BMP4: variants seen among roughly 807,000 people sequenced by gnomAD.
The protein encoded by BMP4 is bone morphogenetic protein 4.
In BMP4, 3 loss-of-function variants were observed where a neutral mutation model predicts 29.6. The ratio of observed to expected loss-of-function variants is 0.10; its 90% CI spans 0.05 to 0.26. The LOEUF (loss-of-function observed/expected upper bound fraction) is 0.26. BMP4 is among the 10% of genes least tolerant of loss of function. BMP4 has a pLI of 1.00. For missense variants in BMP4, 455 were observed against 550.2 expected (o/e 0.83, Z 1.73); for synonymous variants, 197 against 213.2 (o/e 0.92, Z 0.66).
chr14:53,950,976 G>T lies in BMP4; in HGVS notation c.371-88C>A. 1.3e-6 allele frequency: 2 copies of T among 1,544,174 alleles called. No individual in the cohort carries two copies. The highest frequency in any genetic ancestry group is 1.8e-6 in the Non-Finnish European group (2 of 1,132,696). On this transcript the variant is annotated intron_variant, in intron 3 of 3. Transcript: ENST00000245451. This position sits in a 1 kb window ranked among gnomAD's most constrained non-coding sequence, Gnocchi z 5.4. Reference sequence around the variant, plus strand: ...GAGTCAAGAGATAGCTCAGGGTTGGGCAATGAATGGTGAATTCTGCTTATG... The same window carrying T: ...GAGTCAAGAGATAGCTCAGGGTTGGTCAATGAATGGTGAATTCTGCTTATG...
chr14:53,949,834 G>T lies in BMP4; in HGVS notation c.*198C>A. 1 of 568,946 alleles carries T rather than the reference G, an allele frequency of 1.8e-6. No homozygotes were observed. Among genetic ancestry groups the T allele is most frequent in the Non-Finnish European group, 3.0e-6 (1 of 334,114 alleles). 35.2% of individuals were successfully genotyped at this position (568,946 alleles called of 1,614,324 possible). ...TATGATCAATATGGTCAAAACATTTGCACGTAAAGTCATAAATAAGGTCAA... is the reference window on the plus strand; with the variant it reads ...TATGATCAATATGGTCAAAACATTTTCACGTAAAGTCATAAATAAGGTCAA... On this transcript the variant is annotated 3_prime_UTR_variant, in exon 4 of 4. Transcript: ENST00000245451.
rs766600280 is a variant in BMP4 at position 53,949,882 on chromosome 14, CCTT to C, written c.*147_*149del. The C allele has an allele frequency of 2.2e-3, 1,300 of 589,600 alleles. No homozygotes were observed. Among genetic ancestry groups the C allele is most frequent in the South Asian group, 9.3e-3 (343 of 36,766 alleles). The allele number at this position is 589,600 out of a possible 1,614,324, so 36.5% of individuals were successfully genotyped here. A position where few individuals can be genotyped will look rare whatever the true frequency, so the allele number is the denominator to read the frequency against. ...CAAGGTGAATGTTTAGGGATTTTTT[CCTT>C]TTTTTTTTTTTTTTTTAAATAAAAG... On this transcript the variant is annotated 3_prime_UTR_variant, in exon 4 of 4. Transcript: ENST00000245451.
rs774069849 is a variant in BMP4, at chr14:53,951,908, C to T, written c.315G>A (p.Glu105=). The change falls in exon 3 of 4, where the codon GAG becomes GAA. Residue 105 remains glutamate, a synonymous_variant. Coordinates refer to ENST00000245451, the MANE Select transcript of BMP4 (RefSeq NM_001202.6). The stretch of plus-strand genomic sequence containing the variant: ...CCCGGCTGGCCGGGCGCTCAGGATA[C>T]TCAAGACCAGTGCTGTGGATCTGCT... The part of the protein sequence containing the change: ...EEEQIHSTGL[E]YPERPASRAN... 24 of 1,602,756 alleles carry T rather than the reference C, an allele frequency of 1.5e-5. No individual in the cohort carries two copies. The Admixed American group carries it at 1.5e-4, about 10-fold the overall frequency.
At chr14:53,952,310 T>C in intron 2 of BMP4, 81 bp from the exon 3 acceptor site, 2 of 1,516,422 alleles carry the variant, frequency 1.3e-6, no homozygotes, top group Non-Finnish European at 1.8e-6. Context: ...TGTCTGCATA[T>C]GCATTTAGGG....
At chr14:53,952,416 C>A (rs1292588235) in intron 2 of BMP4, among the ~76,000 whole-genome samples, 187 bp from the exon 3 acceptor site, 1 of 151,670 alleles carries the variant, frequency 6.6e-6, no homozygotes, top group Non-Finnish European at 1.5e-5. Flanking sequence ...TGCAGCCATG[C>A]ACGGCCTGAA....
rs1328436705 is a variant in BMP4 at position 53,954,365 on chromosome 14, T to A, written c.-132-965A>T. Reference sequence around the variant, plus strand: ...GAAAGGACGCATCACAGTTTTCAGATCTTAATGTGGCCGAGGTTTTACAAC... The same window carrying A: ...GAAAGGACGCATCACAGTTTTCAGAACTTAATGTGGCCGAGGTTTTACAAC... On this transcript the variant is annotated intron_variant, in intron 1 of 3. Transcript: ENST00000245451. The surrounding 1 kb of genome is among the most constrained non-coding windows in gnomAD (Gnocchi z 4.8). 8 of 152,006 alleles carry A rather than the reference T, an allele frequency of 5.3e-5. No homozygotes were observed. Among genetic ancestry groups the A allele is most frequent in the Non-Finnish European group, 1.0e-4 (7 of 68,004 alleles). The allele number at this position is 152,006 out of a possible 1,614,324, so 9.4% of individuals were successfully genotyped here. A position where few individuals can be genotyped will look rare whatever the true frequency, so the allele number is the denominator to read the frequency against.
Position 53,949,911 on chromosome 14 carries a change from T to A in BMP4, c.*121A>T. ...TTTTTTTTTTTTTTTTAAATAAAAG[T>A]CCAGCTATAAGGAAGCAGTCTGTGT... On this transcript the variant is annotated 3_prime_UTR_variant, in exon 4 of 4. Coordinates refer to ENST00000245451, the MANE Select transcript of BMP4 (RefSeq NM_001202.6). The A allele has an allele frequency of 2.2e-5, 20 of 906,760 alleles. No individual in the cohort carries two copies. The highest frequency in any genetic ancestry group is 6.6e-5 in the South Asian group (3 of 45,640). 56.2% of individuals were successfully genotyped at this position (906,760 alleles called of 1,614,324 possible).
chr14:53,952,895 A>T (rs1305481501), intron 2 of BMP4, among the ~76,000 whole-genome samples: 1 of 152,154 alleles, frequency 6.6e-6, no homozygotes, highest in Non-Finnish European at 1.5e-5. Flanking sequence ...GGGGTGAGAG[A>T]CGATTCCGGA....
intron 3 of BMP4, chr14:53,951,576 AC>A: frequency 2.4e-6 from 1 of 425,434 alleles, no homozygotes; most frequent in East Asian, 3.8e-5. Flanking sequence ...CGGGCAGAAA[AC>A]CTAGCAGAAA....
chr14:53,953,557 G>C, intron 1 of BMP4, 157 bp from the exon 2 acceptor site: 1 of 379,838 alleles, frequency 2.6e-6, no homozygotes, highest in Non-Finnish European at 4.7e-6. Flanking sequence ...CGCCCCTCGC[G>C]GGCCCGCCCC....
rs1460556403 is a variant in BMP4 at position 53,950,277 on chromosome 14, C to A, written c.982G>T (p.Ala328Ser). 6.2e-7 allele frequency: 1 copy of A among 1,614,236 alleles called. No individual in the cohort carries two copies. Among genetic ancestry groups the A allele is most frequent in the Admixed American group, 1.7e-5 (1 of 60,030 alleles). The change falls in exon 4 of 4, where the codon GCC becomes TCC. Residue 328 changes from alanine to serine, a missense_variant. By Grantham distance (99) the Ala-to-Ser change is moderately conservative. Coordinates refer to ENST00000245451, the MANE Select transcript of BMP4 (RefSeq NM_001202.6). This position sits in a 1 kb window ranked among gnomAD's most constrained non-coding sequence, Gnocchi z 5.4. Reference sequence around the variant, plus strand: ...TAGAAGGCCTGGTAGCCTGGTGGGGCCACAATCCAGTCATTCCAGCCCACA... The same window carrying A: ...TAGAAGGCCTGGTAGCCTGGTGGGGACACAATCCAGTCATTCCAGCCCACA... ...SDVGWNDWIV[A>S]PPGYQAFYCH...
intron 3 of BMP4, 160 bp downstream of exon 3, chr14:53,951,693 G>T (rs2071047): frequency 6.8e-6 from 8 of 1,173,990 alleles, no homozygotes; most frequent in Non-Finnish European, 9.5e-6. Context: ...AAATAAGTTC[G>T]GCGGCAGCTC....
rs547716844 is a variant in BMP4, at chr14:53,952,055, G to T, written c.168C>A (p.Asp56Glu). ...RSGQSHELLR[D>E]FEATLLQMFG... ...ACATCTGCAGAAGTGTCGCCTCGAA[G>T]TCCCGCAGGAGCTCATGGCTCTGCC... Residue 56 changes from aspartate (D) to glutamate (E), a missense_variant, in exon 3 of 4, where the codon GAC becomes GAA. By Grantham distance (45) the Asp-to-Glu change is conservative. Transcript: ENST00000245451. The T allele has an allele frequency of 1.7e-5, 28 of 1,614,192 alleles. No homozygotes were observed. Among genetic ancestry groups the T allele is most frequent in the Admixed American group, 5.0e-5 (3 of 60,036 alleles).
rs1433253209 is a variant in BMP4 at position 53,954,182 on chromosome 14, A to G, written c.-132-782T>C. Among the ~76,000 whole-genome samples the G allele has an allele frequency of 6.6e-6, 1 of 151,882 alleles. No individual in the cohort carries two copies. On this transcript the variant is annotated intron_variant, in intron 1 of 3. Coordinates refer to ENST00000245451, the MANE Select transcript of BMP4 (RefSeq NM_001202.6). The surrounding 1 kb of genome is among the most constrained non-coding windows in gnomAD (Gnocchi z 4.8). The stretch of plus-strand genomic sequence containing the variant: ...AAGTGAGAGGGAGCGGCTGTTAGTC[A>G]TTGCTCCGGGTCCATTACCGAGAAT...
In BMP4 at chr14:53,950,132, G is replaced by C. The variant is rs1895298086; in HGVS notation, c.1127C>G (p.Thr376Ser). The C allele has an allele frequency of 6.2e-7, 1 of 1,614,080 alleles. No individual in the cohort carries two copies. The highest frequency in any genetic ancestry group is 1.7e-5 in the Admixed American group (1 of 60,002). ...CAGCATGGAGATGGCACTCAGTTCA[G>C]TGGGCACACAACAGGCTTTGGGGAT... ...SSIPKACCVP[T>S]ELSAISMLYL... Residue 376 changes from threonine (T) to serine (S), a missense_variant, in exon 4 of 4, where the codon ACT becomes AGT. Physicochemically the swap from Thr to Ser is moderately conservative, Grantham distance 58. This residue lies in a region of BMP4 where 48 missense variants were observed against 90.4 expected (regional missense o/e 0.53). Transcript: ENST00000245451. The surrounding 1 kb of genome is among the most constrained non-coding windows in gnomAD (Gnocchi z 5.4).
Position 53,954,229 on chromosome 14 carries a change from G to T in BMP4, c.-132-829C>A, listed in dbSNP as rs1016626144. Among the ~76,000 whole-genome samples the T allele has an allele frequency of 6.6e-6, 1 of 152,048 alleles. No individual in the cohort carries two copies. The highest frequency in any genetic ancestry group is 2.4e-5 in the African/African-American group (1 of 41,416). On this transcript the variant is annotated intron_variant, in intron 1 of 3. Coordinates refer to ENST00000245451, the MANE Select transcript of BMP4 (RefSeq NM_001202.6). This position sits in a 1 kb window ranked among gnomAD's most constrained non-coding sequence, Gnocchi z 4.8. ...GAATCCCCAAACCTAGTCCGCCGCT[G>T]CGTGGCCCCTCTCCCCATGCAAAGC...
In BMP4 at chr14:53,951,979, A is replaced by C. The variant is rs1337000514; in HGVS notation, c.244T>G (p.Tyr82Asp). 1 of 1,612,944 alleles carries C rather than the reference A, an allele frequency of 6.2e-7. No individual in the cohort carries two copies. Among genetic ancestry groups the C allele is most frequent in the Non-Finnish European group, 8.5e-7 (1 of 1,180,048 alleles). ...QPSKSAVIPD[Y>D]MRDLYRLQSG... ...TGAAGCCGGTAAAGATCCCGCATGT[A>C]GTCCGGAATGACGGCACTCTTGCTA... Residue 82 changes from tyrosine (Y) to aspartate (D), a missense_variant, in exon 3 of 4, where the codon TAC (tyrosine) becomes GAC (aspartate). Transcript: ENST00000245451.
chr14:53,952,275 C>T (rs1361224609), intron 2 of BMP4, 46 bp from the exon 3 acceptor site: 4 of 1,589,402 alleles, frequency 2.5e-6, no homozygotes, highest in Non-Finnish European at 3.4e-6. Flanking sequence ...AAATAAACAC[C>T]AATAAATAGG....
intron 1 of BMP4, 85 bp from the exon 2 acceptor site, chr14:53,953,485 G>T: frequency 2.5e-6 from 1 of 396,996 alleles, no homozygotes; most frequent in Non-Finnish European, 4.4e-6. Flanking sequence ...CGTGAGCGCC[G>T]AGGCCCCTCC....
Sources: gnomAD v4.1 joint callset for allele counts (sites outside exome capture counted in the v4.1 genomes callset) on GRCh38, gnomAD v4.1.1 for gene constraint, gnomAD v4.1.1 regional missense constraint, Gnocchi (gnomAD v3.1) non-coding constraint, MANE v1.5 for transcripts, NCBI Gene and HGNC (gene_info 2026-07-23, HGNC 2026-07-21) for gene names.